The following ENOX1 variants were observed in gnomAD, a reference collection of about 807,000 sequenced individuals.
ENOX1 encodes the protein candidate growth-related and time keeping constitutive hydroquinone (NADH) oxidase.
A neutral mutation model predicts 82.5 loss-of-function variants in ENOX1; 42 were observed. That is an observed-to-expected ratio of 0.51 (90% confidence interval 0.40 to 0.66). The LOEUF (loss-of-function observed/expected upper bound fraction) is 0.66. ENOX1 is among the 30% of genes least tolerant of loss of function. The pLI is 0.00. For missense variants in ENOX1, 608 were observed against 811.6 expected (o/e 0.75, Z 3.05); for synonymous variants, 271 against 282.2 (o/e 0.96, Z 0.40).
Position 43,772,575 on chromosome 13 carries a change from C to T in ENOX1, c.-285+14077G>A, listed in dbSNP as rs138238910. On this transcript the variant is annotated intron_variant, in intron 1 of 16. Coordinates refer to ENST00000690772, the MANE Select transcript of ENOX1 (RefSeq NM_001347969.2). Reference sequence around the variant, plus strand: ...ACCAGCCTGGCCAACATGGTGAAACCCTGTCTCTACTAAAATACAAAGAAT... The same window carrying T: ...ACCAGCCTGGCCAACATGGTGAAACTCTGTCTCTACTAAAATACAAAGAAT... 2.6e-5 allele frequency among the ~76,000 whole-genome samples: 4 copies of T among 151,930 alleles called. No homozygotes were observed. In the East Asian group the frequency reaches 7.8e-4, roughly 29 times the overall value.
At chr13:43,470,343 TA>T (rs2057978671) in intron 3 of ENOX1, among the ~76,000 whole-genome samples, 2 of 8,792 alleles carry the variant, frequency 2.3e-4, no homozygotes, top group Non-Finnish European at 2.9e-4. Context: ...TATATATACG[TA>T]TATATATATG....
At chr13:43,560,064 T>C (rs1228466161) in intron 2 of ENOX1, among the ~76,000 whole-genome samples, 1 of 152,218 alleles carries the variant, frequency 6.6e-6, no homozygotes, top group Non-Finnish European at 1.5e-5. Flanking sequence ...GCTGCATATT[T>C]ACACACGTGT....
chr13:43,235,303 A>C (rs1346207365), intron 15 of ENOX1, among the ~76,000 whole-genome samples: 1 of 152,236 alleles, frequency 6.6e-6, no homozygotes, highest in African/African-American at 2.4e-5. Context: ...TGTCATATTC[A>C]ATAACCCTGT....
intron 2 of ENOX1, among the ~76,000 whole-genome samples, chr13:43,591,906 C>T (rs1017028809): frequency 1.3e-5 from 2 of 152,104 alleles, no homozygotes; most frequent in Non-Finnish European, 2.9e-5. Context: ...ACCAGCCTGG[C>T]TTTGACACCC....
chr13:43,398,680 A>C (rs1048633599), intron 5 of ENOX1, among the ~76,000 whole-genome samples: 1 of 152,016 alleles, frequency 6.6e-6, no homozygotes, highest in African/African-American at 2.4e-5. Flanking sequence ...CAGCAAGATC[A>C]ACTTTGCCTT....
chr13:43,747,976 C>G (rs1002105379), intron 1 of ENOX1, among the ~76,000 whole-genome samples: 1 of 152,120 alleles, frequency 6.6e-6, no homozygotes, highest in Non-Finnish European at 1.5e-5. Context: ...ATATGTGTCA[C>G]CAACAGAAAT....
At chr13:43,781,832 G>A (rs149192658) in intron 1 of ENOX1, among the ~76,000 whole-genome samples, 1,529 of 152,264 alleles carry the variant, frequency 0.01, 14 homozygotes, top group African/African-American at 0.033. Flanking sequence ...TTAAATAAGA[G>A]TCTGTAGGAC....
chr13:43,633,688 A>ATGTGTGTG (rs59390732), intron 2 of ENOX1, among the ~76,000 whole-genome samples: 3,905 of 150,156 alleles, frequency 0.026, 74 homozygotes, highest in Non-Finnish European at 0.042. Context: ...AAATGTGTGT[A>ATGTGTGTG]TGTGTGTGTG....
chr13:43,709,881 C>A (rs913821362), intron 1 of ENOX1, among the ~76,000 whole-genome samples: 2 of 152,096 alleles, frequency 1.3e-5, no homozygotes, highest in Non-Finnish European at 1.5e-5. Context: ...ATTTTTAAAT[C>A]TCTTCCAAAA....
intron 3 of ENOX1, among the ~76,000 whole-genome samples, chr13:43,425,421 TGTCCTCCACCCCTACC>T (rs1262412143): frequency 6.6e-6 from 1 of 152,338 alleles, no homozygotes; most frequent in East Asian, 1.9e-4. Context: ...TGCATTAAAA[TGTCCTCCACCCCTACC>T]GTCCCCCATT....
intron 15 of ENOX1, among the ~76,000 whole-genome samples, chr13:43,226,847 G>A (rs550090643): frequency 4.6e-5 from 7 of 152,334 alleles, no homozygotes; most frequent in Admixed American, 1.3e-4. Flanking sequence ...ATCTGCTTAC[G>A]CAGCAGGGCT....
At chr13:43,411,853 G>T in intron 5 of ENOX1, 63 bp downstream of exon 5, 3 of 1,589,450 alleles carry the variant, frequency 1.9e-6, no homozygotes, top group South Asian at 2.2e-5. Context: ...AGATTACCAG[G>T]CACCTGTCAC....
chr13:43,550,061 T>C (rs2079126298), intron 2 of ENOX1, among the ~76,000 whole-genome samples: 1 of 152,168 alleles, frequency 6.6e-6, no homozygotes, highest in Admixed American at 6.5e-5. Flanking sequence ...CCTAGATCCC[T>C]CACAAGCACA....
chr13:43,623,151 T>C (rs2082814335), intron 2 of ENOX1, among the ~76,000 whole-genome samples: 1 of 151,982 alleles, frequency 6.6e-6, no homozygotes, highest in Non-Finnish European at 1.5e-5. Context: ...CAGAGAGCAA[T>C]ACGAGTCTGA....
At chr13:43,483,701 G>A (rs866237349) in intron 3 of ENOX1, among the ~76,000 whole-genome samples, 6 of 152,096 alleles carry the variant, frequency 3.9e-5, no homozygotes, top group African/African-American at 9.7e-5. Context: ...ATATGTAGAT[G>A]CTTGGCATAA....
At chr13:43,409,743 G>A (rs1208242307) in intron 5 of ENOX1, among the ~76,000 whole-genome samples, 1 of 152,002 alleles carries the variant, frequency 6.6e-6, no homozygotes, top group Non-Finnish European at 1.5e-5. Context: ...AATAGTTTAG[G>A]ATAAGATGTT....
In ENOX1 at chr13:43,413,701, TTATATATTTATATATATTTATATA is replaced by T. The variant is rs552584604; in HGVS notation, c.-74-737_-74-714del. On this transcript the variant is annotated intron_variant, in intron 3 of 16. Coordinates refer to ENST00000690772, the MANE Select transcript of ENOX1 (RefSeq NM_001347969.2). Reference sequence around the variant, plus strand: ...GCCCAGCTTATATATATATATATTTTTATATATTTATATATATTTATATATATATATTTATATATAGTCTTTTAA... The same window carrying T: ...GCCCAGCTTATATATATATATATTTTTATATATTTATATATAGTCTTTTAA... Among the ~76,000 whole-genome samples the T allele has an allele frequency of 8.6e-3, 1,267 of 147,082 alleles. 8 individuals are homozygous for T. Among genetic ancestry groups the T allele is most frequent in the Non-Finnish European group, 0.011 (759 of 66,794 alleles).
intron 14 of ENOX1, among the ~76,000 whole-genome samples, chr13:43,264,780 G>T (rs1453498979): frequency 3.3e-5 from 5 of 152,162 alleles, no homozygotes. Context: ...TGAGACTAAA[G>T]AACTTTCAAG....
At chr13:43,609,838 C>T (rs891103020) in intron 2 of ENOX1, 1 of 720,852 alleles carries the variant, frequency 1.4e-6, no homozygotes, top group African/African-American at 1.9e-5. Flanking sequence ...TTAAAAGGAC[C>T]ATTACAAAAG....
Sources: gnomAD v4.1 joint callset for allele counts (sites outside exome capture counted in the v4.1 genomes callset) on GRCh38, gnomAD v4.1.1 for gene constraint, MANE v1.5 for transcripts, NCBI Gene and HGNC (gene_info 2026-07-23, HGNC 2026-07-21) for gene names.